Variants in NEDD4 observed in about 807,000 individuals in gnomAD.
The protein encoded by NEDD4 is NEDD4 E3 ubiquitin protein ligase, also known as E3 ubiquitin-protein ligase NEDD4.
In NEDD4, 99 loss-of-function variants were observed where a neutral mutation model predicts 144.9. The ratio of observed to expected loss-of-function variants is 0.68; its 90% CI spans 0.58 to 0.81. The LOEUF is 0.81. Among genes scored for constraint, NEDD4 ranks in the 30% least tolerant of loss-of-function variants. NEDD4 has a pLI of 0.00. For missense variants in NEDD4, 985 were observed against 1,065.9 expected (o/e 0.92, Z 1.06); for synonymous variants, 318 against 350.6 (o/e 0.91, Z 1.04).
chr15:55,883,732 GAGAA>G (rs1423149956), intron 5 of NEDD4, among the ~76,000 whole-genome samples: 98 of 151,128 alleles, frequency 6.5e-4, no homozygotes, highest in African/African-American at 2.1e-3. Flanking sequence ...CACACAGAAA[GAGAA>G]AGAGAGAGAG....
chr15:55,841,664 C>T lies in NEDD4; in HGVS notation c.1838+270G>A, dbSNP rs115276894. ...GTGGCGTGATCTCGGCTCCGCCTTC[C>T]GGGTTCACGCCATTCTCCTGCCTCA... is the stretch of plus-strand genomic sequence containing the variant. On this transcript the variant is annotated intron_variant, in intron 19 of 28. Coordinates refer to ENST00000435532, the MANE Select transcript of NEDD4 (RefSeq NM_006154.4). 6.9e-3 allele frequency among the ~76,000 whole-genome samples: 1,045 copies of T among 152,192 alleles called. 7 individuals are homozygous for T. Among genetic ancestry groups the T allele is most frequent in the African/African-American group, 0.024 (991 of 41,528 alleles).
chr15:55,946,208 G>T (rs1476318140), intron 4 of NEDD4, among the ~76,000 whole-genome samples: 1 of 152,120 alleles, frequency 6.6e-6, no homozygotes, highest in Non-Finnish European at 1.5e-5. Flanking sequence ...ACACAGACTG[G>T]CGAATTAGAT....
In NEDD4 at chr15:55,903,782, G is replaced by A. The variant is rs542046957; in HGVS notation, c.291+20864C>T. The stretch of plus-strand genomic sequence containing the variant: ...GGAGGTTGCAATGAGCCGAGATCGT[G>A]CCACTGCACTCCAGCCTGGGTGACA... On this transcript the variant is annotated intron_variant, in intron 5 of 28. Transcript: ENST00000435532. Among the ~76,000 whole-genome samples the A allele has an allele frequency of 2.8e-5, 4 of 143,610 alleles. No homozygotes were observed. In the South Asian group the frequency reaches 6.7e-4, roughly 24 times the overall value. 94.2% of individuals were successfully genotyped at this position (143,610 alleles called of 152,430 possible).
At chr15:55,895,626 C>A (rs75599406) in intron 5 of NEDD4, among the ~76,000 whole-genome samples, 4,858 of 152,258 alleles carry the variant, frequency 0.032, 82 homozygotes, top group Admixed American at 0.037. Flanking sequence ...GATTGCTGGG[C>A]TCTACCCCTA....
chr15:55,844,830 C>T (rs2033673926), intron 18 of NEDD4, among the ~76,000 whole-genome samples: 1 of 142,454 alleles, frequency 7.0e-6, no homozygotes, highest in South Asian at 2.2e-4. Context: ...TTTTTTGAGA[C>T]AGAGTACTGC....
intron 4 of NEDD4, among the ~76,000 whole-genome samples, chr15:55,933,740 C>A (rs765033232): frequency 2.0e-5 from 3 of 152,076 alleles, no homozygotes; most frequent in Non-Finnish European, 4.4e-5. Context: ...GACACTTCTA[C>A]TTGCTGCTGC....
At chr15:55,941,567 CTTTT>C (rs774423759) in intron 4 of NEDD4, among the ~76,000 whole-genome samples, 1 of 140,100 alleles carries the variant, frequency 7.1e-6, no homozygotes, top group Non-Finnish European at 1.6e-5. Flanking sequence ...TGTTAAATTT[CTTTT>C]TTTTTTTTTT....
At chr15:55,946,224 G>A (rs1460601980) in intron 4 of NEDD4, among the ~76,000 whole-genome samples, 1 of 152,164 alleles carries the variant, frequency 6.6e-6, no homozygotes, top group Non-Finnish European at 1.5e-5. Flanking sequence ...TAGATAAAGA[G>A]TCAAGACCCA....
At chr15:55,934,179 A>T (rs1208275252) in intron 4 of NEDD4, among the ~76,000 whole-genome samples, 5 of 152,138 alleles carry the variant, frequency 3.3e-5, no homozygotes, top group South Asian at 2.1e-4. Flanking sequence ...ATGATAATTT[A>T]AAAAAATTAC....
Position 55,974,891 on chromosome 15 carries a change from C to CTTTTTT in NEDD4, c.46-8351_46-8346dup, listed in dbSNP as rs56285555. ...TAAGGATGTCCATTTCTTTTCCTTTCTTTTTTTTTTTTTTTTTTTTTGAGA... is the reference window on the plus strand; with the variant it reads ...TAAGGATGTCCATTTCTTTTCCTTTCTTTTTTTTTTTTTTTTTTTTTTTTTTTGAGA... On this transcript the variant is annotated intron_variant, in intron 1 of 28. Transcript: ENST00000435532. Among the ~76,000 whole-genome samples the CTTTTTT allele has an allele frequency of 3.4e-3, 257 of 75,660 alleles. 18 individuals carry two copies. Among genetic ancestry groups the CTTTTTT allele is most frequent in the Non-Finnish European group, 3.6e-3 (146 of 40,716 alleles). 49.6% of individuals were successfully genotyped at this position (75,660 alleles called of 152,430 possible). A position where few individuals can be genotyped will look rare whatever the true frequency, so the allele number is the denominator to read the frequency against.
At chr15:55,849,237 T>C (rs1040037665) in intron 14 of NEDD4, among the ~76,000 whole-genome samples, 1 of 152,136 alleles carries the variant, frequency 6.6e-6, no homozygotes, top group Non-Finnish European at 1.5e-5. Flanking sequence ...TCTTTCTTTT[T>C]TTCTGAGGTG....
chr15:55,852,664 G>C (rs2034033137), intron 12 of NEDD4, 121 bp from the exon 13 acceptor site: 1 of 477,654 alleles, frequency 2.1e-6, no homozygotes, highest in Admixed American at 4.0e-5. Flanking sequence ...CATCTGCTCT[G>C]TTACTACAGT....
At chr15:55,934,065 A>G (rs1363213431) in intron 4 of NEDD4, among the ~76,000 whole-genome samples, 1 of 152,232 alleles carries the variant, frequency 6.6e-6, no homozygotes, top group Non-Finnish European at 1.5e-5. Context: ...AGACAGGAGA[A>G]CAGCTTGAAC....
intron 10 of NEDD4, 33 bp from the exon 11 acceptor site, chr15:55,860,607 T>C (rs199650621): frequency 8.1e-6 from 13 of 1,613,660 alleles, no homozygotes; most frequent in Middle Eastern, 1.6e-4. Flanking sequence ...GAGCCACACA[T>C]ACTTTATTGC....
intron 5 of NEDD4, among the ~76,000 whole-genome samples, chr15:55,886,579 A>G (rs1263002827): frequency 6.6e-6 from 1 of 152,148 alleles, no homozygotes; most frequent in Admixed American, 6.6e-5. Context: ...TCCTGCCAAC[A>G]TGGTGAAACC....
intron 22 of NEDD4, 38 bp downstream of exon 22, chr15:55,838,471 A>C: frequency 7.2e-7 from 1 of 1,385,630 alleles, no homozygotes; most frequent in Non-Finnish European, 1.0e-6. Flanking sequence ...TTTGTCTCAC[A>C]ATTTATGTGC....
intron 1 of NEDD4, among the ~76,000 whole-genome samples, chr15:55,980,793 GGTGTGTGTGT>G (rs148017681): frequency 1.3e-5 from 2 of 149,090 alleles, no homozygotes; most frequent in Non-Finnish European, 1.5e-5. Flanking sequence ...TGTGTGTAGG[GGTGTGTGTGT>G]GTGTGTGTGT....
chr15:55,979,019 C>A (rs1053317000), intron 1 of NEDD4, among the ~76,000 whole-genome samples: 2 of 151,284 alleles, frequency 1.3e-5, no homozygotes, highest in African/African-American at 2.4e-5. Context: ...ATTCTTCATC[C>A]TTCTCCCATT....
At chr15:55,921,084 C>T (rs1256835826) in intron 5 of NEDD4, among the ~76,000 whole-genome samples, 2 of 152,158 alleles carry the variant, frequency 1.3e-5, no homozygotes, top group Non-Finnish European at 2.9e-5. Context: ...TGTTAAATGA[C>T]ATTTTATATT....
Sources: allele counts gnomAD v4.1 joint callset (sites outside exome capture counted in the v4.1 genomes callset), GRCh38; gene constraint gnomAD v4.1.1; transcripts MANE v1.5; gene names NCBI Gene and HGNC (gene_info 2026-07-23, HGNC 2026-07-21).